DOCK4: variants seen among roughly 807,000 people sequenced by gnomAD.
DOCK4 encodes dedicator of cytokinesis 4, also known as dedicator of cytokinesis protein 4.
Under a neutral mutation model 268.1 loss-of-function variants are expected in DOCK4, and 97 were observed. The observed-to-expected ratio is 0.36, with a 90% CI of 0.31 to 0.43. The LOEUF (loss-of-function observed/expected upper bound fraction) is 0.43, where lower values mean the gene tolerates loss of function less well. DOCK4 is among the 20% of genes least tolerant of loss of function. The pLI is 1.00. For synonymous variants in DOCK4, 954 were observed against 887.2 expected (o/e 1.08, Z -1.34); for missense variants, 2,145 against 2,455.7 (o/e 0.87, Z 2.67).
intron 12 of DOCK4, chr7:111,935,315 C>T: frequency 1.8e-6 from 1 of 570,160 alleles, no homozygotes; most frequent in Admixed American, 2.7e-5. Context: ...TTCAGATTAT[C>T]TTTTTCGTTT....
intron 1 of DOCK4, among the ~76,000 whole-genome samples, chr7:112,027,949 T>G (rs981096998): frequency 6.6e-6 from 1 of 152,164 alleles, no homozygotes; most frequent in Non-Finnish European, 1.5e-5. Flanking sequence ...CCATTCCATT[T>G]GAGAAAGACA....
At position 112,067,597 on chromosome 7, in the gene DOCK4, A is replaced by G. The variant is rs543774821; in HGVS notation, c.38-63466T>C. Among the ~76,000 whole-genome samples the G allele has an allele frequency of 6.6e-5, 10 of 152,328 alleles. No homozygotes were observed. The South Asian group carries it at 1.5e-3, about 22-fold the overall frequency. On this transcript the variant is annotated intron_variant, in intron 1 of 52. Transcript: ENST00000428084. Reference sequence around the variant, plus strand: ...AAAAGGATAATGTAAATGTCACAGTAAAGTACTGGGGCTGCTGCCTGCTTG... The same window carrying G: ...AAAAGGATAATGTAAATGTCACAGTGAAGTACTGGGGCTGCTGCCTGCTTG...
intron 25 of DOCK4, among the ~76,000 whole-genome samples, chr7:111,836,970 A>G (rs1055018798): frequency 6.6e-6 from 1 of 152,150 alleles, no homozygotes; most frequent in African/African-American, 2.4e-5. Context: ...ATAATTGAAG[A>G]AATGAGAAAA....
intron 12 of DOCK4, among the ~76,000 whole-genome samples, chr7:111,934,198 G>C (rs1794498916): frequency 6.6e-6 from 1 of 152,106 alleles, no homozygotes. Flanking sequence ...CTGAATGGTG[G>C]ATAAGAACAA....
At chr7:111,865,852 C>T (rs1385489252) in intron 22 of DOCK4, among the ~76,000 whole-genome samples, 2 of 152,228 alleles carry the variant, frequency 1.3e-5, no homozygotes, top group Non-Finnish European at 2.9e-5. Flanking sequence ...TGGCCTCTGG[C>T]AGCTGACAGC....
In DOCK4 at chr7:111,900,709, A is replaced by G. The variant is rs749566485; in HGVS notation, c.1318-173T>C. ...TGCTGCTGCTTAGCGGGGTGTATCT[A>G]TTTAATTCTGATGCTGGTCTCCAAG... is the stretch of plus-strand genomic sequence containing the variant. On this transcript the variant is annotated intron_variant, in intron 14 of 52. Coordinates refer to ENST00000428084, the MANE Select transcript of DOCK4 (RefSeq NM_001363540.2). Among the ~76,000 whole-genome samples the G allele has an allele frequency of 2.4e-4, 37 of 152,306 alleles. 1 individual carries two copies. The highest frequency in any genetic ancestry group is 4.3e-4 in the Non-Finnish European group (29 of 68,026).
At chr7:112,050,347 C>T (rs1805234156) in intron 1 of DOCK4, among the ~76,000 whole-genome samples, 1 of 152,144 alleles carries the variant, frequency 6.6e-6, no homozygotes, top group Non-Finnish European at 1.5e-5. Context: ...GTTAAGGTCA[C>T]TGGATTGATT....
intron 1 of DOCK4, among the ~76,000 whole-genome samples, chr7:112,094,962 G>T (rs534988950): frequency 1.3e-5 from 2 of 152,164 alleles, no homozygotes; most frequent in African/African-American, 4.8e-5. Flanking sequence ...CATGCTTCCT[G>T]TACTGCCTGC....
At chr7:111,943,667 A>AT (rs1165873989) in intron 10 of DOCK4, among the ~76,000 whole-genome samples, 4 of 152,126 alleles carry the variant, frequency 2.6e-5, no homozygotes, top group Admixed American at 1.3e-4. Flanking sequence ...ATTCTTTCCA[A>AT]TTTTTTTCAT....
At chr7:111,902,172 T>G (rs184817733) in intron 13 of DOCK4, among the ~76,000 whole-genome samples, 6 of 152,340 alleles carry the variant, frequency 3.9e-5, no homozygotes, top group Non-Finnish European at 7.3e-5. Flanking sequence ...TATTACTTTA[T>G]AGTCATAGCA....
intron 36 of DOCK4, among the ~76,000 whole-genome samples, chr7:111,777,335 A>G (rs1265702936): frequency 1.3e-5 from 2 of 152,262 alleles, no homozygotes; most frequent in African/African-American, 2.4e-5. Flanking sequence ...CTGCTTTAAA[A>G]GAAATACTAA....
chr7:112,048,389 CAAAAA>C (rs59810546), intron 1 of DOCK4, among the ~76,000 whole-genome samples: 12 of 72,124 alleles, frequency 1.7e-4, no homozygotes, highest in African/African-American at 3.4e-4. Context: ...ACTAAAAATA[CAAAAA>C]AAAAAAAAAA....
intron 30 of DOCK4, among the ~76,000 whole-genome samples, chr7:111,806,925 T>G (rs759682025): frequency 4.6e-5 from 7 of 152,184 alleles, no homozygotes; most frequent in Non-Finnish European, 4.4e-5. Flanking sequence ...CAGAAATAGT[T>G]TCATTTTAGA....
chr7:111,954,474 G>C (rs189683656), intron 8 of DOCK4, among the ~76,000 whole-genome samples: 1 of 152,298 alleles, frequency 6.6e-6, no homozygotes, highest in African/African-American at 2.4e-5. Context: ...TTCTAATTCA[G>C]TGGTTCCCAA....
chr7:111,758,779 A>G lies in DOCK4; in HGVS notation c.4174T>C (p.Tyr1392His), dbSNP rs1797198511. 6.2e-7 allele frequency: 1 copy of G among 1,613,802 alleles called. No homozygotes were observed. Among genetic ancestry groups the G allele is most frequent in the Non-Finnish European group, 8.5e-7 (1 of 1,179,798 alleles). Reference protein sequence around the residue: ...FQAEAQYLQIYAVTPIPESQE... With the variant: ...FQAEAQYLQIHAVTPIPESQE... Reference sequence around the variant, plus strand: ...CTCTCTGGAATGGGAGTCACAGCATATATCTGCAAATCTAGGATTCAAGAG... The same window carrying G: ...CTCTCTGGAATGGGAGTCACAGCATGTATCTGCAAATCTAGGATTCAAGAG... The change falls in exon 41 of 53, where the codon TAT becomes CAT. Residue 1392 changes from tyrosine to histidine, a missense_variant. Transcript: ENST00000428084.
intron 43 of DOCK4, 22 bp from the exon 44 acceptor site, chr7:111,746,439 A>G: frequency 1.9e-6 from 3 of 1,538,892 alleles, no homozygotes; most frequent in Non-Finnish European, 2.6e-6. Context: ...AAGGAGAATC[A>G]GTCTACTTTA....
At chr7:111,730,595 C>T (rs541098923) in intron 52 of DOCK4, among the ~76,000 whole-genome samples, 3 of 152,086 alleles carry the variant, frequency 2.0e-5, no homozygotes, top group Admixed American at 6.5e-5. Flanking sequence ...GCTCAGTCTT[C>T]GCTGTAGGGT....
chr7:111,907,450 A>AACTC (rs1554366243), intron 13 of DOCK4, among the ~76,000 whole-genome samples: 2 of 151,838 alleles, frequency 1.3e-5, no homozygotes, highest in Non-Finnish European at 2.9e-5. Flanking sequence ...CCGTTGGGGG[A>AACTC]ACTCCTATAC....
Position 111,811,002 on chromosome 7 carries a change from AAAAAC to A in DOCK4, c.3006+867_3006+871del, listed in dbSNP as rs200093545. 9.8e-3 allele frequency among the ~76,000 whole-genome samples: 1,491 copies of A among 152,260 alleles called. 24 individuals are homozygous for A. Among genetic ancestry groups the A allele is most frequent in the African/African-American group, 0.035 (1,452 of 41,530 alleles). The stretch of plus-strand genomic sequence containing the variant: ...GGGCAACAGAGCAGGACTCTGTCTC[AAAAAC>A]AAAACAAAACAAAACAAAACCAGAA... On this transcript the variant is annotated intron_variant, in intron 28 of 52. Transcript: ENST00000428084.
Sources: allele counts gnomAD v4.1 joint callset (sites outside exome capture counted in the v4.1 genomes callset), GRCh38; gene constraint gnomAD v4.1.1; transcripts MANE v1.5; gene names NCBI Gene and HGNC (gene_info 2026-07-23, HGNC 2026-07-21).